Variants in TOR1AIP1 observed in about 807,000 individuals in gnomAD.
TOR1AIP1 encodes torsin 1A interacting protein 1, also known as torsin-1A-interacting protein 1.
TOR1AIP1 carries 54 observed loss-of-function variants against 63.3 expected under a neutral mutation model. The ratio of observed to expected loss-of-function variants is 0.85; its 90% CI spans 0.69 to 1.07. The LOEUF is 1.07. Among genes scored for constraint, TOR1AIP1 ranks in the 50% least tolerant of loss-of-function variants. The probability of loss-of-function intolerance (pLI) is 0.00; values close to 1 mark genes in which losing one functional copy is unlikely to be tolerated. For missense variants in TOR1AIP1, 736 were observed against 715.0 expected (o/e 1.03, Z -0.33); for synonymous variants, 294 against 273.5 (o/e 1.07, Z -0.74).
chr1:179,892,508 C>T (rs1029950749), intron 3 of TOR1AIP1, among the ~76,000 whole-genome samples: 3 of 151,280 alleles, frequency 2.0e-5, no homozygotes, highest in Admixed American at 6.6e-5. Context: ...GAGGCCAAGG[C>T]GGGCAGATCA....
intron 3 of TOR1AIP1, among the ~76,000 whole-genome samples, chr1:179,890,353 T>A (rs2148472238): frequency 6.6e-6 from 1 of 152,338 alleles, no homozygotes; most frequent in South Asian, 2.1e-4. Flanking sequence ...TATCTTTATA[T>A]TAGGCTTCTG....
In TOR1AIP1 at chr1:179,882,801, GAGAA is replaced by G. The variant is rs1558037041; in HGVS notation, c.302_305del (p.Glu101AlafsTer21). ...TCCGATTCTGCGAAAGAGGAAGTGA[GAGAA>G]AGCGCGTACTACCTTCGGTCTAGGC... On this transcript the variant is annotated frameshift_variant, in exon 1 of 10. Coordinates refer to ENST00000606911, the MANE Select transcript of TOR1AIP1 (RefSeq NM_015602.4). LOFTEE classifies it high-confidence loss of function. 6.2e-7 allele frequency: 1 copy of G among 1,614,202 alleles called. No individual in the cohort carries two copies.
chr1:179,909,648 G>A (rs1054797637), intron 8 of TOR1AIP1, among the ~76,000 whole-genome samples: 1 of 152,126 alleles, frequency 6.6e-6, no homozygotes, highest in African/African-American at 2.4e-5. Flanking sequence ...ATATTGGTCA[G>A]GCTGGTCTTG....
intron 3 of TOR1AIP1, among the ~76,000 whole-genome samples, chr1:179,890,519 C>T (rs1247819470): frequency 6.6e-6 from 1 of 152,190 alleles, no homozygotes; most frequent in Non-Finnish European, 1.5e-5. Context: ...CAACCCTAAT[C>T]ATTCTCTTGC....
chr1:179,900,276 C>A, intron 4 of TOR1AIP1, 109 bp downstream of exon 4: 2 of 703,342 alleles, frequency 2.8e-6, no homozygotes, highest in Non-Finnish European at 4.7e-6. Context: ...GGGACTGTGG[C>A]ACATGCCTGT....
rs373369975 is a variant in TOR1AIP1, at chr1:179,884,270, T to C, written c.476-422T>C. On this transcript the variant is annotated intron_variant, in intron 1 of 9. Transcript: ENST00000606911. Reference sequence around the variant, plus strand: ...CTTTGTACATGGTAGGCAAAAAATATGTTACATTGTATTGAGTTCCACAGA... The same window carrying C: ...CTTTGTACATGGTAGGCAAAAAATACGTTACATTGTATTGAGTTCCACAGA... Among the ~76,000 whole-genome samples, 129 of 152,324 alleles carry C rather than the reference T, an allele frequency of 8.5e-4. 1 individual carries two copies. In the South Asian group the frequency reaches 0.016, roughly 19 times the overall value.
At position 179,882,780 on chromosome 1, in the gene TOR1AIP1, A is replaced by T; in HGVS notation, c.278A>T (p.Asp93Val). ...KRTRLEEFRS[D>V]SAKEEVRESA... ...ACCCGGCTAGAAGAGTTCCGGTCCG[A>T]TTCTGCGAAAGAGGAAGTGAGAGAA... Residue 93 changes from aspartate (D) to valine (V), a missense_variant, in exon 1 of 10, where the codon GAT becomes GTT. Physicochemically the swap from Asp to Val is radical, Grantham distance 152. Coordinates refer to ENST00000606911, the MANE Select transcript of TOR1AIP1 (RefSeq NM_015602.4). The T allele has an allele frequency of 1.9e-6, 3 of 1,614,226 alleles. No homozygotes were observed. Among genetic ancestry groups the T allele is most frequent in the Non-Finnish European group, 2.5e-6 (3 of 1,180,050 alleles).
chr1:179,888,286 T>C (rs1647965227), intron 2 of TOR1AIP1, among the ~76,000 whole-genome samples: 1 of 152,154 alleles, frequency 6.6e-6, no homozygotes, highest in Non-Finnish European at 1.5e-5. Context: ...AGGGTTTTTG[T>C]TTTTGTTTTA....
chr1:179,894,793 A>G (rs1242725040), intron 3 of TOR1AIP1, among the ~76,000 whole-genome samples: 1 of 152,228 alleles, frequency 6.6e-6, no homozygotes, highest in Non-Finnish European at 1.5e-5. Context: ...GTCCCCAGAC[A>G]AAACACAAAG....
At chr1:179,902,375 A>C (rs1266928700) in intron 5 of TOR1AIP1, among the ~76,000 whole-genome samples, 1 of 151,126 alleles carries the variant, frequency 6.6e-6, no homozygotes, top group Non-Finnish European at 1.5e-5. Flanking sequence ...ATAAGTACAT[A>C]AGCTGGTTTG....
chr1:179,917,986 ACG>A lies in TOR1AIP1; in HGVS notation c.1502_1503del (p.Ala501GlyfsTer28). The A allele has an allele frequency of 6.2e-7, 1 of 1,614,206 alleles. No homozygotes were observed. Among genetic ancestry groups the A allele is most frequent in the African/African-American group, 1.3e-5 (1 of 75,050 alleles). On this transcript the variant is annotated frameshift_variant, in exon 10 of 10. Transcript: ENST00000606911. LOFTEE classifies it high-confidence loss of function. ...TTCTACAAATATTGTGACCATGAAA[ACG>A]CGGCCTTCAAAGATGTAGCCTTAGT...
At chr1:179,903,265 AAAG>A (rs1359190574) in intron 5 of TOR1AIP1, among the ~76,000 whole-genome samples, 9 of 152,156 alleles carry the variant, frequency 5.9e-5, no homozygotes, top group South Asian at 4.1e-4. Flanking sequence ...TCTTAAAAAA[AAAG>A]AAGAAGAAGA....
intron 7 of TOR1AIP1, among the ~76,000 whole-genome samples, chr1:179,908,206 C>G (rs528904740): frequency 6.6e-6 from 1 of 152,108 alleles, no homozygotes; most frequent in South Asian, 2.1e-4. Flanking sequence ...CCGCACCCAG[C>G]CTCAGTCAAT....
Position 179,882,712 on chromosome 1 carries a change from C to T in TOR1AIP1, c.210C>T (p.Phe70=). ...AGCCGCCAGAAGTGTACGGCGACTT[C>T]GAGCCCCTGGTGGCCAAAGAAAGGT... The part of the protein sequence containing the change: ...SDEPPEVYGD[F]EPLVAKERSP... Residue 70 remains phenylalanine, a synonymous_variant, in exon 1 of 10, where the codon TTC becomes TTT. Coordinates refer to ENST00000606911, the MANE Select transcript of TOR1AIP1 (RefSeq NM_015602.4). 6.2e-7 allele frequency: 1 copy of T among 1,613,184 alleles called. No individual in the cohort carries two copies. Among genetic ancestry groups the T allele is most frequent in the East Asian group, 2.2e-5 (1 of 44,872 alleles).
At chr1:179,894,640 C>A (rs965153501) in intron 3 of TOR1AIP1, among the ~76,000 whole-genome samples, 4 of 151,920 alleles carry the variant, frequency 2.6e-5, no homozygotes, top group African/African-American at 9.7e-5. Context: ...GAGCCGAGAT[C>A]GTGCCATCGC....
intron 1 of TOR1AIP1, among the ~76,000 whole-genome samples, 199 bp from the exon 2 acceptor site, chr1:179,884,493 G>C (rs1558037919): frequency 1.3e-5 from 2 of 148,148 alleles, no homozygotes; most frequent in Non-Finnish European, 3.0e-5. Flanking sequence ...ATTATATTCT[G>C]TTGAATTCAT....
chr1:179,884,989 A>G (rs1647872193), intron 2 of TOR1AIP1, among the ~76,000 whole-genome samples: 1 of 152,216 alleles, frequency 6.6e-6, no homozygotes, highest in African/African-American at 2.4e-5. Context: ...GTAAGATCAC[A>G]TATGTGACTG....
In TOR1AIP1 at chr1:179,895,009, G is replaced by A. The variant is rs544410227; in HGVS notation, c.611-5117G>A. On this transcript the variant is annotated intron_variant, in intron 3 of 9. Transcript: ENST00000606911. ...TTAAAAACTGGCCAAGTAAAAGAAAGTAAACAAAGTGGCACAATTAATGCT... is the reference window on the plus strand; with the variant it reads ...TTAAAAACTGGCCAAGTAAAAGAAAATAAACAAAGTGGCACAATTAATGCT... Among the ~76,000 whole-genome samples the A allele has an allele frequency of 2.0e-5, 3 of 152,320 alleles. No individual in the cohort carries two copies. In the South Asian group the frequency reaches 6.2e-4, roughly 32 times the overall value.
At chr1:179,885,646 A>G (rs1647888972) in intron 2 of TOR1AIP1, among the ~76,000 whole-genome samples, 1 of 152,228 alleles carries the variant, frequency 6.6e-6, no homozygotes, top group Non-Finnish European at 1.5e-5. Flanking sequence ...TAATAAGATT[A>G]TGCTTTATAA....
Sources: allele counts gnomAD v4.1 joint callset (sites outside exome capture counted in the v4.1 genomes callset), GRCh38; gene constraint gnomAD v4.1.1; transcripts MANE v1.5; gene names NCBI Gene and HGNC (gene_info 2026-07-23, HGNC 2026-07-21).